ARHGAP12: variants seen among roughly 807,000 people sequenced by gnomAD.
ARHGAP12 encodes rho GTPase-activating protein 12.
ARHGAP12 carries 64 observed loss-of-function variants against 108.6 expected under a neutral mutation model. That is an observed-to-expected ratio of 0.59 (90% CI 0.48 to 0.73). The LOEUF (loss-of-function observed/expected upper bound fraction) is 0.73, where lower values mean the gene tolerates loss of function less well. Ranked by LOEUF, ARHGAP12 falls within the 30% of genes least tolerant of loss-of-function variation. The pLI is 0.00. For synonymous variants in ARHGAP12, 312 were observed against 337.2 expected (o/e 0.93, Z 0.82); for missense variants, 940 against 1,005.9 (o/e 0.93, Z 0.89).
At chr10:31,841,554 T>G (rs1836267763) in intron 7 of ARHGAP12, among the ~76,000 whole-genome samples, 1 of 152,176 alleles carries the variant, frequency 6.6e-6, no homozygotes, top group Admixed American at 6.5e-5. Context: ...GTAAACAGAT[T>G]ACAACGGTAA....
chr10:31,878,315 C>T (rs1416389225), intron 3 of ARHGAP12, among the ~76,000 whole-genome samples: 1 of 152,106 alleles, frequency 6.6e-6, no homozygotes, highest in Non-Finnish European at 1.5e-5. Flanking sequence ...AGGCCATGAC[C>T]GTTTACACAG....
intron 3 of ARHGAP12, among the ~76,000 whole-genome samples, chr10:31,877,274 G>A (rs1837766239): frequency 6.6e-6 from 1 of 152,174 alleles, no homozygotes; most frequent in Non-Finnish European, 1.5e-5. Context: ...GGTTATCCCA[G>A]CTTTCAGTCT....
At chr10:31,852,805 C>T (rs908159714) in intron 5 of ARHGAP12, among the ~76,000 whole-genome samples, 1 of 148,582 alleles carries the variant, frequency 6.7e-6, no homozygotes, top group Non-Finnish European at 1.5e-5. Context: ...ACAACCTCCA[C>T]CTCCCAGGTT....
chr10:31,855,444 T>G (rs938036862), intron 4 of ARHGAP12, among the ~76,000 whole-genome samples: 2 of 152,170 alleles, frequency 1.3e-5, no homozygotes, highest in African/African-American at 4.8e-5. Context: ...CATAATTTGG[T>G]CTGAAACACT....
At chr10:31,873,513 T>A (rs115984679) in intron 3 of ARHGAP12, among the ~76,000 whole-genome samples, 2 of 152,214 alleles carry the variant, frequency 1.3e-5, no homozygotes, top group Non-Finnish European at 2.9e-5. Context: ...CCATGGCCAG[T>A]GGCTACTATC....
intron 2 of ARHGAP12, among the ~76,000 whole-genome samples, chr10:31,909,881 G>A (rs546482033): frequency 5.5e-4 from 83 of 152,272 alleles, no homozygotes; most frequent in African/African-American, 1.9e-3. Flanking sequence ...GGGTGACAGA[G>A]TGAGACTTTG....
chr10:31,873,349 T>G (rs1222072825), intron 3 of ARHGAP12, among the ~76,000 whole-genome samples: 1 of 152,232 alleles, frequency 6.6e-6, no homozygotes, highest in Non-Finnish European at 1.5e-5. Flanking sequence ...GTTGAAAAAG[T>G]AGATTTATAT....
chr10:31,845,993 G>A (rs987072763), intron 6 of ARHGAP12, among the ~76,000 whole-genome samples: 3 of 152,052 alleles, frequency 2.0e-5, no homozygotes, highest in African/African-American at 7.2e-5. Context: ...GGCTACTTGA[G>A]CAATTTTTAC....
chr10:31,839,239 A>T, intron 9 of ARHGAP12, 66 bp downstream of exon 9: 1 of 1,486,024 alleles, frequency 6.7e-7, no homozygotes, highest in Non-Finnish European at 9.3e-7. Flanking sequence ...AGACTTGGCA[A>T]TATATTTTAC....
intron 3 of ARHGAP12, among the ~76,000 whole-genome samples, chr10:31,868,715 C>A (rs933992358): frequency 2.6e-5 from 4 of 151,796 alleles, no homozygotes; most frequent in Admixed American, 2.6e-4. Context: ...GCGGGAAGAT[C>A]ACTTGAGCCC....
chr10:31,862,904 T>C (rs944147123), intron 3 of ARHGAP12, among the ~76,000 whole-genome samples: 2 of 152,238 alleles, frequency 1.3e-5, no homozygotes, highest in African/African-American at 4.8e-5. Flanking sequence ...TAGAGTTTCA[T>C]GAATGCTTTA....
chr10:31,867,576 C>G (rs527983344), intron 3 of ARHGAP12, among the ~76,000 whole-genome samples: 1 of 152,028 alleles, frequency 6.6e-6, no homozygotes. Flanking sequence ...GTTTTTTTAA[C>G]AAATACACTC....
chr10:31,850,332 C>T (rs1836625176), intron 6 of ARHGAP12, among the ~76,000 whole-genome samples: 1 of 152,144 alleles, frequency 6.6e-6, no homozygotes, highest in African/African-American at 2.4e-5. Context: ...GAAATCAGAG[C>T]TTGTATTTTA....
chr10:31,849,045 G>A (rs1836572673), intron 6 of ARHGAP12, among the ~76,000 whole-genome samples: 2 of 151,188 alleles, frequency 1.3e-5, no homozygotes, highest in African/African-American at 4.9e-5. Flanking sequence ...GCGACAGAGC[G>A]AGACTCGTCT....
rs193193196 is a variant in ARHGAP12 at position 31,847,897 on chromosome 10, A to G, written c.1171-4311T>C. Among the ~76,000 whole-genome samples the G allele has an allele frequency of 1.7e-4, 26 of 152,298 alleles. No homozygotes were observed. The East Asian group carries it at 4.8e-3, about 28-fold the overall frequency. ...GGTGTTCACCTGGAACAGAGTAGGTATAATAAACAGAGACAGTGTGCTTTA... is the reference window on the plus strand; with the variant it reads ...GGTGTTCACCTGGAACAGAGTAGGTGTAATAAACAGAGACAGTGTGCTTTA... On this transcript the variant is annotated intron_variant, in intron 6 of 19. Transcript: ENST00000344936.
At chr10:31,824,745 G>A (rs1470185396) in intron 11 of ARHGAP12, among the ~76,000 whole-genome samples, 1 of 152,062 alleles carries the variant, frequency 6.6e-6, no homozygotes, top group Non-Finnish European at 1.5e-5. Context: ...GGCTTCATCT[G>A]TTCCTGCTAC....
chr10:31,814,096 CAAG>C (rs1835113720), intron 14 of ARHGAP12, among the ~76,000 whole-genome samples, 160 bp downstream of exon 14: 1 of 152,100 alleles, frequency 6.6e-6, no homozygotes. Context: ...AATGAGTTAA[CAAG>C]AAGAAAGAGC....
intron 1 of ARHGAP12, among the ~76,000 whole-genome samples, chr10:31,921,820 G>A (rs139787201): frequency 7.1e-6 from 1 of 140,754 alleles, no homozygotes; most frequent in African/African-American, 2.6e-5. Flanking sequence ...TGAAAAAGAT[G>A]AGAGCAGAAA....
intron 3 of ARHGAP12, among the ~76,000 whole-genome samples, chr10:31,905,346 G>A (rs941630939): frequency 4.6e-5 from 7 of 152,130 alleles, no homozygotes; most frequent in South Asian, 2.1e-4. Context: ...TCCTCCCACC[G>A]CAGCCTCCTG....
Sources: allele counts gnomAD v4.1 joint callset (sites outside exome capture counted in the v4.1 genomes callset), GRCh38; gene constraint gnomAD v4.1.1; transcripts MANE v1.5; gene names NCBI Gene and HGNC (gene_info 2026-07-23, HGNC 2026-07-21).